The following MSI2 variants were observed in gnomAD, a reference collection of about 807,000 sequenced individuals.
The protein encoded by MSI2 is RNA-binding protein Musashi homolog 2.
MSI2 carries 17 observed loss-of-function variants against 45.6 expected under a neutral mutation model. The observed-to-expected ratio is 0.37, with a 90% CI of 0.26 to 0.56. The LOEUF (loss-of-function observed/expected upper bound fraction) is 0.56. Among genes scored for constraint, MSI2 ranks in the 20% least tolerant of loss-of-function variants. MSI2 has a pLI of 0.77. For synonymous variants in MSI2, 156 were observed against 158.2 expected (o/e 0.99, Z 0.11); for missense variants, 293 against 444.2 (o/e 0.66, Z 3.06).
At chr17:57,424,204 A>G (rs2084448232) in intron 6 of MSI2, among the ~76,000 whole-genome samples, 1 of 152,196 alleles carries the variant, frequency 6.6e-6, no homozygotes, top group African/African-American at 2.4e-5. Context: ...AAGCTCTTCA[A>G]ACAAAAGAAT....
At chr17:57,559,978 C>G (rs539336570) in intron 7 of MSI2, among the ~76,000 whole-genome samples, 2 of 152,382 alleles carry the variant, frequency 1.3e-5, no homozygotes, top group East Asian at 1.9e-4. Flanking sequence ...ATCAGTTCTT[C>G]AGCAGGATGC....
At chr17:57,574,414 G>A (rs933531431) in intron 7 of MSI2, among the ~76,000 whole-genome samples, 1 of 152,248 alleles carries the variant, frequency 6.6e-6, no homozygotes, top group Non-Finnish European at 1.5e-5. Context: ...ACAGGCCATT[G>A]GATGGGGATG....
At chr17:57,394,951 T>C (rs141547979) in intron 5 of MSI2, among the ~76,000 whole-genome samples, 25 of 152,348 alleles carry the variant, frequency 1.6e-4, no homozygotes, top group Admixed American at 1.4e-3. Flanking sequence ...AATAGAAATA[T>C]AGTCTTTCAT....
intron 5 of MSI2, among the ~76,000 whole-genome samples, chr17:57,353,525 G>A (rs1210833448): frequency 2.0e-5 from 3 of 152,294 alleles, no homozygotes; most frequent in South Asian, 4.1e-4. Flanking sequence ...ATATTCTAAG[G>A]GAAATCGTAG....
intron 12 of MSI2, among the ~76,000 whole-genome samples, chr17:57,676,258 A>G (rs1035499706): frequency 6.6e-6 from 1 of 152,084 alleles, no homozygotes; most frequent in Non-Finnish European, 1.5e-5. Context: ...ACGCACACAG[A>G]CATGCACGCA....
chr17:57,570,917 G>A (rs2087859456), intron 7 of MSI2, among the ~76,000 whole-genome samples: 1 of 152,166 alleles, frequency 6.6e-6, no homozygotes, highest in South Asian at 2.1e-4. Flanking sequence ...ACATCTGGGA[G>A]AAAGACCAGC....
At chr17:57,413,248 C>T (rs951053969) in intron 6 of MSI2, among the ~76,000 whole-genome samples, 3 of 152,208 alleles carry the variant, frequency 2.0e-5, no homozygotes, top group Admixed American at 6.5e-5. Flanking sequence ...CCACTCAATT[C>T]TTCTACCCAC....
chr17:57,403,928 A>AAT (rs1427910879), intron 6 of MSI2, among the ~76,000 whole-genome samples: 1 of 59,194 alleles, frequency 1.7e-5, no homozygotes, highest in Admixed American at 2.0e-4. Flanking sequence ...AAACAGAATG[A>AAT]ATGTGCACAC....
At chr17:57,504,942 AAAAG>A in intron 6 of MSI2, among the ~76,000 whole-genome samples, 1 of 152,080 alleles carries the variant, frequency 6.6e-6, no homozygotes, top group Non-Finnish European at 1.5e-5. Context: ...AAAAAAAAAA[AAAAG>A]AAGAAAAAGT....
At chr17:57,618,744 A>G (rs953161911) in intron 9 of MSI2, among the ~76,000 whole-genome samples, 2 of 151,866 alleles carry the variant, frequency 1.3e-5, no homozygotes, top group African/African-American at 2.4e-5. Flanking sequence ...GGATTTCACC[A>G]TGTTGGCCAG....
intron 9 of MSI2, chr17:57,618,099 T>TAAA (rs1173650413): frequency 1.3e-5 from 2 of 148,738 alleles, no homozygotes; most frequent in Non-Finnish European, 1.5e-5. Flanking sequence ...ATAATAATAA[T>TAAA]AAACATTAGC....
intron 7 of MSI2, among the ~76,000 whole-genome samples, chr17:57,595,506 C>T (rs770420151): frequency 6.6e-6 from 1 of 152,082 alleles, no homozygotes; most frequent in African/African-American, 2.4e-5. Flanking sequence ...AGGGTGCCAG[C>T]ATGGTCATTT....
chr17:57,690,447 CAAAAA>C, the MSI2 span, among the ~76,000 whole-genome samples: 1 of 141,668 alleles, frequency 7.1e-6, no homozygotes. Context: ...CCTATCTCTA[CAAAAA>C]AAAAAAAAAT....
At chr17:57,694,877 G>A in the MSI2 span, among the ~76,000 whole-genome samples, 3 of 152,242 alleles carry the variant, frequency 2.0e-5, no homozygotes. Flanking sequence ...CTCAGGTTCA[G>A]TGAGTACTAT....
intron 5 of MSI2, among the ~76,000 whole-genome samples, chr17:57,285,479 C>G (rs941007767): frequency 6.6e-6 from 1 of 152,144 alleles, no homozygotes; most frequent in Non-Finnish European, 1.5e-5. Context: ...TCTCAGCGTT[C>G]GCTGGTATTC....
chr17:57,371,075 T>C (rs1181102059), intron 5 of MSI2, among the ~76,000 whole-genome samples: 1 of 152,214 alleles, frequency 6.6e-6, no homozygotes, highest in Non-Finnish European at 1.5e-5. Flanking sequence ...TGTTTTCTTG[T>C]TAATTTGCTA....
At chr17:57,590,265 T>A (rs112269248) in intron 7 of MSI2, among the ~76,000 whole-genome samples, 18 of 152,312 alleles carry the variant, frequency 1.2e-4, no homozygotes, top group African/African-American at 4.3e-4. Flanking sequence ...AAGAAAATTA[T>A]TTTTGAGGCT....
At chr17:57,526,825 G>A (rs1229259554) in intron 6 of MSI2, among the ~76,000 whole-genome samples, 3 of 151,622 alleles carry the variant, frequency 2.0e-5, no homozygotes, top group South Asian at 4.2e-4. Context: ...TTTTTCTTTC[G>A]TCCTGACACT....
intron 10 of MSI2, chr17:57,631,741 T>C: frequency 6.7e-7 from 1 of 1,482,562 alleles, no homozygotes; most frequent in Non-Finnish European, 9.4e-7. Context: ...CACTCTGGAC[T>C]TCTCATTTCA....
Sources: gnomAD v4.1 joint callset for allele counts (sites outside exome capture counted in the v4.1 genomes callset) on GRCh38, gnomAD v4.1.1 for gene constraint, MANE v1.5 for transcripts, NCBI Gene and HGNC (gene_info 2026-07-23, HGNC 2026-07-21) for gene names.